The following TUBGCP6 variants were observed in gnomAD, a reference collection of about 807,000 sequenced individuals.
TUBGCP6 encodes tubulin gamma complex component 6.
TUBGCP6 carries 161 observed loss-of-function variants against 175.8 expected under a neutral mutation model. The observed-to-expected ratio is 0.92, with a 90% confidence interval of 0.81 to 1.04. TUBGCP6 has a LOEUF of 1.04. TUBGCP6 is among the 50% of genes least tolerant of loss of function. The pLI, the probability that TUBGCP6 is intolerant of heterozygous loss-of-function variation, is 0.00. For missense variants in TUBGCP6, 2,572 were observed against 2,433.0 expected (o/e 1.06, Z -1.20); for synonymous variants, 1,173 against 1,030.5 (o/e 1.14, Z -2.65).
Position 50,224,547 on chromosome 22 carries a change from G to T in TUBGCP6, c.2029C>A (p.Arg677=), listed in dbSNP as rs761706269. 6 of 1,614,126 alleles carry T rather than the reference G, an allele frequency of 3.7e-6. No individual in the cohort carries two copies. Among genetic ancestry groups the T allele is most frequent in the Non-Finnish European group, 4.2e-6 (5 of 1,180,036 alleles). ...IAKQELIAHA[R]EAASRVLSAL... ...CTCAGGACCCTGGATGCTGCTTCCC[G>T]GGCATGAGCGATTAATTCTTGTTTT... is the stretch of plus-strand genomic sequence containing the variant. The change falls in exon 11 of 25, where the codon CGG becomes AGG. Residue 677 remains arginine (R), a synonymous_variant. Transcript: ENST00000248846.
intron 11 of TUBGCP6, 38 bp downstream of exon 11, chr22:50,224,473 C>A (rs1415193037): frequency 1.9e-5 from 30 of 1,614,046 alleles, no homozygotes; most frequent in Non-Finnish European, 2.5e-5. Flanking sequence ...CAGCAAGGCC[C>A]CCCGGAACTG....
At position 50,218,812 on chromosome 22, in the gene TUBGCP6, T is replaced by C; in HGVS notation, c.4712A>G (p.His1571Arg). ...VLSKALQCSLHGDTPHASNLS... is the reference protein window; with the variant it reads ...VLSKALQCSLRGDTPHASNLS... ...GTTGGAGGCGTGCGGGGTGTCCCCA[T>C]GCAGGCTGCACTGCAGGGCCTTGCT... The change falls in exon 21 of 25, where the codon CAT becomes CGT. Residue 1571 changes from histidine to arginine, a missense_variant. Transcript: ENST00000248846. The C allele has an allele frequency of 6.2e-7, 1 of 1,614,098 alleles. No homozygotes were observed. The highest frequency in any genetic ancestry group is 8.5e-7 in the Non-Finnish European group (1 of 1,180,008).
intron 1 of TUBGCP6, 82 bp downstream of exon 1, chr22:50,243,637 A>AAAAT: frequency 3.3e-6 from 4 of 1,204,350 alleles, no homozygotes; most frequent in Non-Finnish European, 3.4e-6. Context: ...AAAAAAAAGA[A>AAAAT]GAAGAAGAAG....
chr22:50,236,728 C>T (rs945072068), intron 2 of TUBGCP6, among the ~76,000 whole-genome samples: 2 of 152,228 alleles, frequency 1.3e-5, no homozygotes, highest in African/African-American at 2.4e-5. Context: ...CCCCAGACGC[C>T]TGCCCAGGCT....
At position 50,217,899 on chromosome 22, in the gene TUBGCP6, CAGCCAGGG is replaced by C; in HGVS notation, c.5368+11_5368+18del. On this transcript the variant is annotated intron_variant, in intron 24 of 24. Coordinates refer to ENST00000248846, the MANE Select transcript of TUBGCP6 (RefSeq NM_020461.4). ...CGCCCTGGCCCCCCCGCAGCCCTCCCAGCCAGGGTGGGCCTCACCTTTGAAGAGAAAGT... is the reference window on the plus strand; with the variant it reads ...CGCCCTGGCCCCCCCGCAGCCCTCCCTGGGCCTCACCTTTGAAGAGAAAGT... 6.2e-7 allele frequency: 1 copy of C among 1,605,604 alleles called. No individual in the cohort carries two copies. The highest frequency in any genetic ancestry group is 8.5e-7 in the Non-Finnish European group (1 of 1,174,860).
chr22:50,243,553 G>C (rs765143789), intron 1 of TUBGCP6, among the ~76,000 whole-genome samples, 166 bp downstream of exon 1: 4 of 142,510 alleles, frequency 2.8e-5, no homozygotes, highest in Non-Finnish European at 6.0e-5. Flanking sequence ...AGAAAGTGGA[G>C]GTTAAGGTGA....
At chr22:50,236,383 C>A (rs2064779056) in intron 2 of TUBGCP6, among the ~76,000 whole-genome samples, 1 of 152,180 alleles carries the variant, frequency 6.6e-6, no homozygotes. Flanking sequence ...GATCCGCCCA[C>A]CTCAGCCTCC....
In TUBGCP6 at chr22:50,243,747, T is replaced by C. The variant is rs541065946; in HGVS notation, c.713A>G (p.Asn238Ser). The C allele has an allele frequency of 6.2e-7, 1 of 1,613,362 alleles. No homozygotes were observed. The highest frequency in any genetic ancestry group is 1.3e-5 in the African/African-American group (1 of 74,914). Residue 238 changes from asparagine (N) to serine (S), a missense_variant, in exon 1 of 25, where the codon AAT becomes AGT. Transcript: ENST00000248846. ...VRLGLPPVPD[N>S]ADLSGLAIKV... Reference sequence around the variant, plus strand: ...AATAGCCAGCCCAGAGAGGTCCGCATTGTCTGGCACGGGGGGCAGGCCCAG... The same window carrying C: ...AATAGCCAGCCCAGAGAGGTCCGCACTGTCTGGCACGGGGGGCAGGCCCAG...
Position 50,221,276 on chromosome 22 carries a change from T to A in TUBGCP6, c.3083A>T (p.Gln1028Leu). 6.2e-7 allele frequency: 1 copy of A among 1,613,980 alleles called. No individual in the cohort carries two copies. The change falls in exon 16 of 25, where the codon CAG (glutamine) becomes CTG (leucine). Residue 1028 changes from glutamine to leucine, a missense_variant. Gln to Leu is a moderately radical substitution (Grantham distance 113). Coordinates refer to ENST00000248846, the MANE Select transcript of TUBGCP6 (RefSeq NM_020461.4). The part of the protein sequence containing the change: ...SSQPTERLFG[Q>L]VSGGGLPTGD... ...TGTGGGAAGACCACCCCCTGACACC[T>A]GCCCAAAGAGCCGCTCTGTGGGCTG...
intron 5 of TUBGCP6, among the ~76,000 whole-genome samples, chr22:50,227,478 T>C (rs1809094121): frequency 6.6e-6 from 1 of 152,142 alleles, no homozygotes; most frequent in African/African-American, 2.4e-5. Flanking sequence ...GTCTCAGCCC[T>C]TGGGTCTCCT....
At chr22:50,228,170 G>T in intron 4 of TUBGCP6, 142 bp from the exon 5 acceptor site, 1 of 1,035,314 alleles carries the variant, frequency 9.7e-7, no homozygotes, top group Non-Finnish European at 1.3e-6. Context: ...GGGCCTCTGT[G>T]AGCCACACCC....
Position 50,227,968 on chromosome 22 carries a change from G to C in TUBGCP6, c.1351C>G (p.Pro451Ala). 6.4e-7 allele frequency: 1 copy of C among 1,571,800 alleles called. No homozygotes were observed. The highest frequency in any genetic ancestry group is 1.2e-5 in the South Asian group (1 of 85,508). Residue 451 changes from proline to alanine, a missense_variant, in exon 5 of 25, where the codon CCG becomes GCG. Pro to Ala is a conservative substitution (Grantham distance 27, BLOSUM62 -1). Coordinates refer to ENST00000248846, the MANE Select transcript of TUBGCP6 (RefSeq NM_020461.4). Reference sequence around the variant, plus strand: ...ATGGTGAGGAGGCTCAGGGTGGGCGGAGTGGAAAGGACGCAGGCCCGGTAA... The same window carrying C: ...ATGGTGAGGAGGCTCAGGGTGGGCGCAGTGGAAAGGACGCAGGCCCGGTAA... ...QYYRACVLST[P>A]PTLSLLTIGF...
intron 2 of TUBGCP6, among the ~76,000 whole-genome samples, chr22:50,238,986 C>T (rs1434564522): frequency 6.6e-6 from 1 of 152,168 alleles, no homozygotes; most frequent in African/African-American, 2.4e-5. Flanking sequence ...GGAAAGCTCG[C>T]CCACCCGGGG....
rs371418365 is a variant in TUBGCP6, at chr22:50,222,111, C to T, written c.2410-9G>A. On this transcript the variant is annotated splice_polypyrimidine_tract_variant and intron_variant, in intron 14 of 24. Transcript: ENST00000248846. ...ACTGCTTTCAGCATCTCCTGAAATT[C>T]AAGCCAGAGGGGTGACTGGCCAAGC... 9.9e-6 allele frequency: 16 copies of T among 1,613,096 alleles called. No homozygotes were observed. In the African/African-American group the frequency reaches 1.6e-4, roughly 16 times the overall value.
At chr22:50,227,878 C>A (rs1405057606) in intron 5 of TUBGCP6, 29 bp downstream of exon 5, 1 of 1,564,674 alleles carries the variant, frequency 6.4e-7, no homozygotes, top group Admixed American at 1.9e-5. Flanking sequence ...CCGCAAAGTC[C>A]CCTGCTCAGC....
intron 18 of TUBGCP6, 31 bp downstream of exon 18, chr22:50,219,613 G>C: frequency 6.2e-7 from 1 of 1,608,684 alleles, no homozygotes; most frequent in African/African-American, 1.3e-5. Context: ...CCAGCCCAGG[G>C]CTCCCTGCCA....
At position 50,219,879 on chromosome 22, in the gene TUBGCP6, G is replaced by A. The variant is rs553020414; in HGVS notation, c.4167+78C>T. 8.7e-6 allele frequency: 14 copies of A among 1,604,066 alleles called. No individual in the cohort carries two copies. In the South Asian group the frequency reaches 1.3e-4, roughly 15 times the overall value. On this transcript the variant is annotated intron_variant, in intron 17 of 24. Transcript: ENST00000248846. The stretch of plus-strand genomic sequence containing the variant: ...GCCAAAAAAAGGAAAATCGCATGTG[G>A]GACCCACCCGCGTGACAACCTAGAG...
chr22:50,240,352 C>T lies in TUBGCP6; in HGVS notation c.757G>A (p.Asp253Asn). ...GLAIKVPPSV[D>N]QWEDEGFQSA... ...TGGAATCCTTCGTCTTCCCACTGAT[C>T]CACACTCGGTGGGACCTGGAGACAC... is the stretch of plus-strand genomic sequence containing the variant. Residue 253 changes from aspartate (D) to asparagine (N), a missense_variant, in exon 2 of 25, where the codon GAT becomes AAT. By Grantham distance (23) the Asp-to-Asn change is conservative. Transcript: ENST00000248846. 1 of 1,611,852 alleles carries T rather than the reference C, an allele frequency of 6.2e-7. No homozygotes were observed. Among genetic ancestry groups the T allele is most frequent in the Non-Finnish European group, 8.5e-7 (1 of 1,179,206 alleles).
At chr22:50,233,196 T>C in intron 3 of TUBGCP6, 120 bp downstream of exon 3, 1 of 1,208,240 alleles carries the variant, frequency 8.3e-7, no homozygotes, top group Non-Finnish European at 1.2e-6. Context: ...GGAGCTGGCC[T>C]TCCCTGCCAC....
Sources: gnomAD v4.1 joint callset for allele counts (sites outside exome capture counted in the v4.1 genomes callset) on GRCh38, gnomAD v4.1.1 for gene constraint, MANE v1.5 for transcripts, NCBI Gene and HGNC (gene_info 2026-07-23, HGNC 2026-07-21) for gene names.